Variants in SGCD observed in about 807,000 individuals in gnomAD.
The protein encoded by SGCD is delta-sarcoglycan.
Under a neutral mutation model 36.6 loss-of-function variants are expected in SGCD, and 18 were observed. The ratio of observed to expected loss-of-function variants is 0.49; its 90% CI spans 0.34 to 0.73. The LOEUF is 0.73. SGCD is among the 30% of genes least tolerant of loss of function. The pLI is 0.01. For synonymous variants in SGCD, 133 were observed against 130.6 expected, an observed-to-expected ratio of 1.02 and a Z score of -0.12; for missense variants, 387 against 346.7, an observed-to-expected ratio of 1.12 and a Z score of -0.92.
chr5:155,795,628 T>C, the SGCD span, among the ~76,000 whole-genome samples: 1 of 152,098 alleles, frequency 6.6e-6, no homozygotes, highest in African/African-American at 2.4e-5. Context: ...AATGATAAAA[T>C]GGTGTATATT....
intron 3 of SGCD, among the ~76,000 whole-genome samples, chr5:156,422,717 G>GTA (rs1773372998): frequency 6.6e-6 from 1 of 152,000 alleles, no homozygotes; most frequent in African/African-American, 2.4e-5. Context: ...CCCATGCACA[G>GTA]TAGGTGCTTA....
chr5:156,604,877 A>G (rs1313762769), intron 6 of SGCD, among the ~76,000 whole-genome samples: 1 of 149,870 alleles, frequency 6.7e-6, no homozygotes, highest in Non-Finnish European at 1.5e-5. Context: ...TATACTTTAT[A>G]TATATATTAT....
In SGCD at chr5:155,966,993, G is replaced by T. The variant is rs113413835; in HGVS notation, c.-282+96569G>T. ...TATGTGTATGTGTGTATATGTGTGC[G>T]TATGTGTGTATTTGTGTGTGTATGT... On this transcript the variant is annotated intron_variant, in intron 1 of 9. Transcript: ENST00000517913. Among the ~76,000 whole-genome samples the T allele has an allele frequency of 2.0e-5, 3 of 151,528 alleles. No homozygotes were observed. In the East Asian group the frequency reaches 5.8e-4, roughly 29 times the overall value.
At chr5:156,597,139 T>C (rs1760476658) in intron 6 of SGCD, among the ~76,000 whole-genome samples, 1 of 152,226 alleles carries the variant, frequency 6.6e-6, no homozygotes, top group Non-Finnish European at 1.5e-5. Flanking sequence ...TTTTTATATC[T>C]GTAAAATTAG....
At chr5:155,870,652 A>G (rs1755613535) in intron 1 of SGCD, among the ~76,000 whole-genome samples, 1 of 152,184 alleles carries the variant, frequency 6.6e-6, no homozygotes, top group African/African-American at 2.4e-5. Flanking sequence ...TTAAAAATGA[A>G]CTATTTTTCC....
chr5:156,642,538 C>T (rs1443288607), intron 6 of SGCD, among the ~76,000 whole-genome samples: 2 of 141,916 alleles, frequency 1.4e-5, no homozygotes, highest in South Asian at 2.3e-4. Context: ...GATGGGATCT[C>T]GACTCCCTGC....
At chr5:156,097,096 G>A (rs1385309093) in intron 1 of SGCD, among the ~76,000 whole-genome samples, 1 of 151,742 alleles carries the variant, frequency 6.6e-6, no homozygotes, top group African/African-American at 2.4e-5. Flanking sequence ...TGTATGGAAT[G>A]CATCATTTCT....
intron 3 of SGCD, among the ~76,000 whole-genome samples, chr5:156,284,406 C>T (rs1331194115): frequency 1.3e-5 from 2 of 152,164 alleles, no homozygotes; most frequent in South Asian, 2.1e-4. Flanking sequence ...TGATGAACAT[C>T]GATGCAAAAA....
intron 3 of SGCD, among the ~76,000 whole-genome samples, chr5:156,266,373 C>A (rs1766000225): frequency 6.6e-6 from 1 of 152,166 alleles, no homozygotes; most frequent in African/African-American, 2.4e-5. Flanking sequence ...CCAGTAATGT[C>A]AAAAATGTCC....
chr5:155,944,947 C>T (rs1286818059), intron 1 of SGCD, among the ~76,000 whole-genome samples: 3 of 152,032 alleles, frequency 2.0e-5, no homozygotes, highest in Non-Finnish European at 4.4e-5. Context: ...GTGTAAATCT[C>T]ACCATATAGA....
intron 3 of SGCD, among the ~76,000 whole-genome samples, chr5:156,275,338 C>G (rs966567025): frequency 9.2e-5 from 14 of 152,050 alleles, no homozygotes; most frequent in African/African-American, 3.4e-4. Flanking sequence ...GATGATTTTT[C>G]TCATAAAAAA....
chr5:156,372,247 G>A (rs1469811055), intron 3 of SGCD, among the ~76,000 whole-genome samples: 1 of 152,188 alleles, frequency 6.6e-6, no homozygotes, highest in Non-Finnish European at 1.5e-5. Flanking sequence ...TATTATCTAA[G>A]AGGTATGGTA....
chr5:156,558,409 A>G (rs1759129426), intron 4 of SGCD, among the ~76,000 whole-genome samples: 1 of 152,064 alleles, frequency 6.6e-6, no homozygotes, highest in South Asian at 2.1e-4. Flanking sequence ...ATGATCATTT[A>G]TTTTAAACAA....
chr5:156,534,626 C>T (rs1758022430), intron 4 of SGCD, among the ~76,000 whole-genome samples: 1 of 152,136 alleles, frequency 6.6e-6, no homozygotes, highest in Admixed American at 6.6e-5. Context: ...GGCAATATAG[C>T]ATAGTAGCAA....
intron 3 of SGCD, among the ~76,000 whole-genome samples, chr5:156,246,606 A>T (rs1765446078): frequency 6.6e-6 from 1 of 152,210 alleles, no homozygotes; most frequent in African/African-American, 2.4e-5. Context: ...TCATATAAAT[A>T]AGGAATATGC....
chr5:155,794,220 T>C, the SGCD span, among the ~76,000 whole-genome samples: 1 of 152,124 alleles, frequency 6.6e-6, no homozygotes. Flanking sequence ...TATTTTTGCC[T>C]AGCAGAAAAA....
chr5:156,736,012 A>G (rs1756342149), intron 7 of SGCD, among the ~76,000 whole-genome samples: 1 of 152,120 alleles, frequency 6.6e-6, no homozygotes, highest in South Asian at 2.1e-4. Context: ...CTGGGATCAC[A>G]CAATCACTCG....
chr5:156,588,735 C>T (rs1248747159), intron 4 of SGCD, among the ~76,000 whole-genome samples: 1 of 152,220 alleles, frequency 6.6e-6, no homozygotes, highest in Non-Finnish European at 1.5e-5. Flanking sequence ...TTGCAAACAT[C>T]TCTACAAAGG....
chr5:156,497,293 G>A (rs1756240901), intron 3 of SGCD, among the ~76,000 whole-genome samples: 1 of 151,688 alleles, frequency 6.6e-6, no homozygotes, highest in Admixed American at 6.6e-5. Flanking sequence ...AAGCTCTAAA[G>A]GAAAAGTAGA....
Sources: allele counts gnomAD v4.1 joint callset (sites outside exome capture counted in the v4.1 genomes callset), GRCh38; gene constraint gnomAD v4.1.1; transcripts MANE v1.5; gene names NCBI Gene and HGNC (gene_info 2026-07-23, HGNC 2026-07-21).